Variants in LMO7 observed in about 807,000 individuals in gnomAD.
LMO7 encodes the protein LIM domain 7, also known as LIM domain only protein 7.
LMO7 carries 120 observed loss-of-function variants against 206.5 expected under a neutral mutation model. That is an observed-to-expected ratio of 0.58 (90% confidence interval 0.50 to 0.68). LMO7 has a LOEUF of 0.68. Ranked by LOEUF, LMO7 falls within the 30% of genes least tolerant of loss-of-function variation. LMO7 has a pLI of 0.00. For missense variants in LMO7, 1,959 were observed against 1,957.9 expected, an observed-to-expected ratio of 1.00 and a Z score of -0.01; for synonymous variants, 706 against 681.5, an observed-to-expected ratio of 1.04 and a Z score of -0.56.
At chr13:75,676,014 ACT>A (rs1196155356) in intron 1 of LMO7, among the ~76,000 whole-genome samples, 1 of 152,054 alleles carries the variant, frequency 6.6e-6, no homozygotes, top group South Asian at 2.1e-4. Context: ...TTTGTAAAAG[ACT>A]CTATGTGTTA....
intron 2 of LMO7, among the ~76,000 whole-genome samples, chr13:75,724,126 G>C (rs2044260428): frequency 6.6e-6 from 1 of 152,104 alleles, no homozygotes; most frequent in African/African-American, 2.4e-5. Flanking sequence ...AAAGTATGAG[G>C]TTTGGGAGGA....
Position 75,764,934 on chromosome 13 carries a change from GTTT to G in LMO7, c.317+3901_317+3903del, listed in dbSNP as rs569053120. Among the ~76,000 whole-genome samples, 1,496 of 151,860 alleles carry G rather than the reference GTTT, an allele frequency of 9.9e-3. 43 individuals carry two copies. The highest frequency in any genetic ancestry group is 0.038 in the Admixed American group (581 of 15,278). ...GTAAACATTGATATTAACGGAGTTT[GTTT>G]TTTTAAGTCGATTAAAATGAAAGTA... On this transcript the variant is annotated intron_variant, in intron 4 of 30. Coordinates refer to ENST00000377534, the MANE Select transcript of LMO7 (RefSeq NM_001306080.2).
rs373384164 is a variant in LMO7 at position 75,837,941 on chromosome 13, AC to A, written c.3395-198del. The stretch of plus-strand genomic sequence containing the variant: ...ATTAATAAAAATATTCATTCCTTCT[AC>A]TAATTTGAATGTAATGTAGGCTACT... On this transcript the variant is annotated intron_variant, in intron 19 of 30. Coordinates refer to ENST00000377534, the MANE Select transcript of LMO7 (RefSeq NM_001306080.2). Among the ~76,000 whole-genome samples the A allele has an allele frequency of 4.7e-4, 71 of 152,204 alleles. No individual in the cohort carries two copies. The East Asian group carries it at 0.013, about 29-fold the overall frequency.
chr13:75,788,883 T>A (rs189917376), intron 4 of LMO7: 1 of 152,414 alleles, frequency 6.6e-6, no homozygotes, highest in African/African-American at 2.4e-5. Context: ...TGCATTGCTC[T>A]GGGAAGTGGC....
At chr13:75,679,007 C>T (rs1324106418) in intron 1 of LMO7, among the ~76,000 whole-genome samples, 1 of 152,148 alleles carries the variant, frequency 6.6e-6, no homozygotes, top group African/African-American at 2.4e-5. Context: ...AGTGATAAAG[C>T]CTTCTTTTCC....
intron 1 of LMO7, among the ~76,000 whole-genome samples, chr13:75,672,356 C>T (rs1472106182): frequency 6.6e-6 from 1 of 151,868 alleles, no homozygotes; most frequent in Non-Finnish European, 1.5e-5. Context: ...ATTCTTCTGC[C>T]TCAGCCTCCT....
intron 7 of LMO7, among the ~76,000 whole-genome samples, chr13:75,803,847 C>T (rs1014855435): frequency 5.9e-5 from 9 of 151,962 alleles, no homozygotes; most frequent in Non-Finnish European, 1.2e-4. Context: ...TACATCCTTC[C>T]TGATCTCTCT....
chr13:75,783,453 A>G (rs778040851), intron 4 of LMO7, among the ~76,000 whole-genome samples: 2 of 152,094 alleles, frequency 1.3e-5, no homozygotes, highest in Non-Finnish European at 2.9e-5. Context: ...CCTCCTGAGT[A>G]GCTAGGACTA....
upstream of LMO7, among the ~76,000 whole-genome samples, chr13:75,633,928 C>A (rs1265880598): frequency 6.9e-6 from 1 of 145,550 alleles, no homozygotes; most frequent in East Asian, 2.0e-4. Flanking sequence ...GCTTACTGCA[C>A]CCTCTGACTC....
intron 1 of LMO7, among the ~76,000 whole-genome samples, chr13:75,681,969 C>G (rs1407019646): frequency 1.3e-5 from 2 of 151,624 alleles, no homozygotes; most frequent in Admixed American, 6.6e-5. Flanking sequence ...GAGCATTCAT[C>G]CTACGGTTTT....
At chr13:75,681,717 T>C (rs1428721285) in intron 1 of LMO7, among the ~76,000 whole-genome samples, 3 of 112,640 alleles carry the variant, frequency 2.7e-5, no homozygotes, top group African/African-American at 9.6e-5. Context: ...TATATATATA[T>C]GTATATATAT....
intron 4 of LMO7, among the ~76,000 whole-genome samples, chr13:75,764,767 T>G (rs576042888): frequency 6.6e-6 from 1 of 152,282 alleles, no homozygotes; most frequent in East Asian, 1.9e-4. Flanking sequence ...TTGGCAAGTC[T>G]TCAGATACAT....
intron 1 of LMO7, among the ~76,000 whole-genome samples, chr13:75,671,586 C>T (rs900347772): frequency 3.9e-5 from 6 of 152,246 alleles, no homozygotes; most frequent in African/African-American, 1.2e-4. Context: ...TCCTTCTAGC[C>T]CTCATGAAGC....
chr13:75,755,196 G>A (rs960031063), intron 3 of LMO7, among the ~76,000 whole-genome samples: 8 of 152,090 alleles, frequency 5.3e-5, no homozygotes, highest in Non-Finnish European at 1.0e-4. Flanking sequence ...TGTTGCCAGC[G>A]GCTGGTCTTC....
intron 15 of LMO7, among the ~76,000 whole-genome samples, chr13:75,832,839 A>G (rs2058788908): frequency 6.6e-6 from 1 of 152,170 alleles, no homozygotes; most frequent in Non-Finnish European, 1.5e-5. Context: ...TGACAATAAG[A>G]TTTCCCTTAG....
Position 75,795,414 on chromosome 13 carries a change from G to T in LMO7, c.331G>T (p.Asp111Tyr). 2 of 1,589,850 alleles carry T rather than the reference G, an allele frequency of 1.3e-6. No homozygotes were observed. Among genetic ancestry groups the T allele is most frequent in the Non-Finnish European group, 1.7e-6 (2 of 1,162,542 alleles). Residue 111 changes from aspartate to tyrosine, a missense_variant, in exon 5 of 31, where the codon GAC (aspartate) becomes TAC (tyrosine). Coordinates refer to ENST00000377534, the MANE Select transcript of LMO7 (RefSeq NM_001306080.2). ...NRVTVKQEET[D>Y]RRVKNVLITL... ...CTTTCTTTACAGGCAAGAAGAGACTGACAGGAGAGTGAAAAATGTAAGATA... is the reference window on the plus strand; with the variant it reads ...CTTTCTTTACAGGCAAGAAGAGACTTACAGGAGAGTGAAAAATGTAAGATA...
chr13:75,852,660 A>G (rs1295302532), intron 27 of LMO7, among the ~76,000 whole-genome samples: 1 of 152,220 alleles, frequency 6.6e-6, no homozygotes, highest in Non-Finnish European at 1.5e-5. Context: ...GAAAGTGATA[A>G]GCCTTTGTGG....
intron 1 of LMO7, among the ~76,000 whole-genome samples, chr13:75,711,521 CT>C (rs1393553911): frequency 6.6e-6 from 1 of 152,226 alleles, no homozygotes; most frequent in Non-Finnish European, 1.5e-5. Context: ...TCTGTCACCC[CT>C]GTCTTTGACT....
At position 75,856,550 on chromosome 13, in the gene LMO7, T is replaced by C; in HGVS notation, c.4815T>C (p.Ala1605=). ...ACCTCGGAGGCTCTTCCTCAGGAGC[T>C]GAAGTCAGGATCAGAAACCACCAAC... ...ECDLGGSSSG[A]EVRIRNHQLY... Residue 1605 remains alanine (A), a synonymous_variant, in exon 30 of 31, where the codon GCT becomes GCC. Coordinates refer to ENST00000377534, the MANE Select transcript of LMO7 (RefSeq NM_001306080.2). 2 of 1,612,788 alleles carry C rather than the reference T, an allele frequency of 1.2e-6. No individual in the cohort carries two copies.
Sources: gnomAD v4.1 joint callset for allele counts (sites outside exome capture counted in the v4.1 genomes callset) on GRCh38, gnomAD v4.1.1 for gene constraint, MANE v1.5 for transcripts, NCBI Gene and HGNC (gene_info 2026-07-23, HGNC 2026-07-21) for gene names.